LRRC4C: variants seen among roughly 807,000 people sequenced by gnomAD.
LRRC4C encodes leucine-rich repeat-containing protein 4C.
A neutral mutation model predicts 33.6 loss-of-function variants in LRRC4C; 5 were observed. The observed-to-expected ratio is 0.15, with a 90% confidence interval of 0.08 to 0.31. The LOEUF is 0.31. Ranked by LOEUF, LRRC4C falls within the 10% of genes least tolerant of loss-of-function variation. The probability of loss-of-function intolerance (pLI) is 1.00; values close to 1 mark genes in which losing one functional copy is unlikely to be tolerated. For missense variants in LRRC4C, 560 were observed against 796.7 expected (o/e 0.70, Z 3.58); for synonymous variants, 329 against 302.0 (o/e 1.09, Z -0.93).
At chr11:41,106,397 T>A (rs1016023401) in intron 1 of LRRC4C, among the ~76,000 whole-genome samples, 15 of 152,034 alleles carry the variant, frequency 9.9e-5, no homozygotes, top group African/African-American at 3.6e-4. Flanking sequence ...GTGCTAAGCA[T>A]TTTACATGCA....
In LRRC4C at chr11:40,562,597, CTCTAA is replaced by C. The variant is rs983314500; in HGVS notation, c.-270+85540_-270+85544del. 4.5e-3 allele frequency among the ~76,000 whole-genome samples: 685 copies of C among 152,226 alleles called. 6 individuals carry two copies. Among genetic ancestry groups the C allele is most frequent in the African/African-American group, 0.016 (662 of 41,550 alleles). ...TAGTGAAACTGAGCTGGAACAGAAA[CTCTAA>C]TCTATTCTATTCGAGACTAGAGCTG... On this transcript the variant is annotated intron_variant, in intron 3 of 6. Coordinates refer to ENST00000528697, the MANE Select transcript of LRRC4C (RefSeq NM_001258419.2).
At chr11:40,743,102 G>A (rs1489811414) in intron 2 of LRRC4C, among the ~76,000 whole-genome samples, 2 of 151,996 alleles carry the variant, frequency 1.3e-5, no homozygotes, top group African/African-American at 2.4e-5. Context: ...AATATTGTAC[G>A]AATGTCATTT....
chr11:40,426,687 ATGT>A (rs1473254541), intron 3 of LRRC4C, among the ~76,000 whole-genome samples: 1 of 152,176 alleles, frequency 6.6e-6, no homozygotes, highest in African/African-American at 2.4e-5. Flanking sequence ...AAAAGCAGGG[ATGT>A]TGTTGATTTT....
At position 40,209,362 on chromosome 11, in the gene LRRC4C, T is replaced by C. The variant is rs140577432; in HGVS notation, c.-96+32157A>G. ...ATAGTAAACAATGCAGAAGATTAAATTGGAATATGAAAATACACACATTTT... is the reference window on the plus strand; with the variant it reads ...ATAGTAAACAATGCAGAAGATTAAACTGGAATATGAAAATACACACATTTT... On this transcript the variant is annotated intron_variant, in intron 5 of 6. Coordinates refer to ENST00000528697, the MANE Select transcript of LRRC4C (RefSeq NM_001258419.2). 6.2e-4 allele frequency among the ~76,000 whole-genome samples: 94 copies of C among 152,238 alleles called. No homozygotes were observed. In the East Asian group the frequency reaches 0.013, roughly 21 times the overall value.
intron 5 of LRRC4C, among the ~76,000 whole-genome samples, chr11:40,150,611 A>C (rs1223420417): frequency 6.6e-6 from 1 of 151,958 alleles, no homozygotes; most frequent in East Asian, 1.9e-4. Context: ...TAATTTTTTT[A>C]ATTTTTAATT....
chr11:40,947,784 T>A (rs1958472636), intron 1 of LRRC4C, among the ~76,000 whole-genome samples: 1 of 152,036 alleles, frequency 6.6e-6, no homozygotes, highest in Non-Finnish European at 1.5e-5. Context: ...TCTAGCCCAG[T>A]GGCCTCCCTG....
At chr11:40,814,328 G>A (rs921598154) in intron 2 of LRRC4C, among the ~76,000 whole-genome samples, 5 of 152,144 alleles carry the variant, frequency 3.3e-5, no homozygotes, top group African/African-American at 1.2e-4. Context: ...ACCCTCTGAA[G>A]CCATGGCTTG....
intron 4 of LRRC4C, among the ~76,000 whole-genome samples, chr11:40,289,166 C>T (rs998445): frequency 3.3e-5 from 5 of 152,124 alleles, no homozygotes; most frequent in East Asian, 1.9e-4. Context: ...TGCACACTCC[C>T]TATTTTACAT....
intron 2 of LRRC4C, among the ~76,000 whole-genome samples, chr11:40,813,084 C>G (rs1217527588): frequency 6.6e-6 from 1 of 152,132 alleles, no homozygotes; most frequent in African/African-American, 2.4e-5. Context: ...GTTGAGTTTG[C>G]TCAGTATGTA....
chr11:41,448,122 GTTTTTTTT>G (rs71063918), intron 1 of LRRC4C, among the ~76,000 whole-genome samples: 1 of 46,948 alleles, frequency 2.1e-5, no homozygotes, highest in Admixed American at 2.8e-4. Context: ...GCACACGTCT[GTTTTTTTT>G]TTTTTTTTTT....
At chr11:40,375,680 G>A (rs1474685029) in intron 3 of LRRC4C, among the ~76,000 whole-genome samples, 2 of 152,068 alleles carry the variant, frequency 1.3e-5, no homozygotes, top group Non-Finnish European at 2.9e-5. Flanking sequence ...AAAGTTTCTC[G>A]AATAATTTTT....
At chr11:40,398,148 T>C (rs1011085087) in intron 3 of LRRC4C, among the ~76,000 whole-genome samples, 2 of 152,046 alleles carry the variant, frequency 1.3e-5, no homozygotes, top group Admixed American at 1.3e-4. Context: ...TATTTCTTAC[T>C]TGAAAAGATG....
chr11:40,594,084 C>T (rs1959168689), intron 3 of LRRC4C, among the ~76,000 whole-genome samples: 1 of 152,136 alleles, frequency 6.6e-6, no homozygotes, highest in South Asian at 2.1e-4. Flanking sequence ...TCAAACAAAG[C>T]CTCTCCAACT....
chr11:40,254,741 T>G (rs1286888394), intron 4 of LRRC4C, among the ~76,000 whole-genome samples: 1 of 152,190 alleles, frequency 6.6e-6, no homozygotes, highest in African/African-American at 2.4e-5. Flanking sequence ...CAAAATGTCT[T>G]GTCTCTTAGC....
chr11:40,907,622 C>G (rs1238737910), intron 2 of LRRC4C, among the ~76,000 whole-genome samples: 2 of 152,164 alleles, frequency 1.3e-5, no homozygotes, highest in Admixed American at 6.5e-5. Flanking sequence ...ATCAGCTGAA[C>G]ACCTTGAAAC....
chr11:40,287,299 A>G lies in LRRC4C; in HGVS notation c.-176+32329T>C, dbSNP rs1022987520. On this transcript the variant is annotated intron_variant, in intron 4 of 6. Transcript: ENST00000528697. ...GTGTGTGTGTGTGTGTGTGTATTCC[A>G]TCAGTATACTCGTTGGCTTTTGTTA... Among the ~76,000 whole-genome samples the G allele has an allele frequency of 3.6e-5, 5 of 137,334 alleles. 1 individual carries two copies. The highest frequency in any genetic ancestry group is 3.0e-4 in the Admixed American group (4 of 13,510). The allele number at this position is 137,334 out of a possible 152,430, so 90.1% of individuals were successfully genotyped here. A position where few individuals can be genotyped will look rare whatever the true frequency, so the allele number is the denominator to read the frequency against.
chr11:41,139,782 G>C (rs966470934), intron 1 of LRRC4C, among the ~76,000 whole-genome samples: 2 of 152,112 alleles, frequency 1.3e-5, no homozygotes, highest in Non-Finnish European at 2.9e-5. Context: ...CAAACACTTA[G>C]AGCAAATCTG....
chr11:40,827,213 T>C (rs1010255480), intron 2 of LRRC4C, among the ~76,000 whole-genome samples: 2 of 151,872 alleles, frequency 1.3e-5, no homozygotes, highest in African/African-American at 2.4e-5. Context: ...TTGCTGAATC[T>C]GCTTAAATCC....
intron 2 of LRRC4C, among the ~76,000 whole-genome samples, chr11:40,902,392 C>T (rs1347921880): frequency 2.0e-5 from 3 of 152,140 alleles, no homozygotes; most frequent in Non-Finnish European, 2.9e-5. Flanking sequence ...CTCCTCTTCT[C>T]AGGCATCCCT....
Sources: allele counts gnomAD v4.1 joint callset (sites outside exome capture counted in the v4.1 genomes callset), GRCh38; gene constraint gnomAD v4.1.1; transcripts MANE v1.5; gene names NCBI Gene and HGNC (gene_info 2026-07-23, HGNC 2026-07-21).